The following PSPC1 variants were observed in gnomAD, a reference collection of about 807,000 sequenced individuals.
PSPC1 encodes the protein paraspeckle protein 1.
A neutral mutation model predicts 51.6 loss-of-function variants in PSPC1; 14 were observed. That is an observed-to-expected ratio of 0.27 (90% CI 0.18 to 0.42). The LOEUF is 0.42. Among genes scored for constraint, PSPC1 ranks in the 10% least tolerant of loss-of-function variants. PSPC1 has a pLI of 1.00. For synonymous variants in PSPC1, 193 were observed against 231.9 expected, an observed-to-expected ratio of 0.83 and a Z score of 1.53; for missense variants, 406 against 701.1, an observed-to-expected ratio of 0.58 and a Z score of 4.75.
chr13:19,778,597 CCCTAA>C (rs1889483679), intron 1 of PSPC1, among the ~76,000 whole-genome samples: 2 of 125,500 alleles, frequency 1.6e-5, no homozygotes, highest in South Asian at 3.2e-4. Context: ...GGTCTCCAGC[CCCTAA>C]CCGCGAGTGA....
intron 6 of PSPC1, among the ~76,000 whole-genome samples, chr13:19,725,370 A>G (rs1049360554): frequency 6.6e-6 from 1 of 152,186 alleles, no homozygotes; most frequent in African/African-American, 2.4e-5. Context: ...TTCTAAAAAC[A>G]CTGGAAAAGA....
intron 5 of PSPC1, among the ~76,000 whole-genome samples, chr13:19,738,005 G>C (rs1178133259): frequency 6.6e-6 from 1 of 152,090 alleles, no homozygotes; most frequent in Non-Finnish European, 1.5e-5. Flanking sequence ...AGGCAGGATT[G>C]TTTGAGCTCA....
At chr13:19,742,695 C>T (rs1177844914) in intron 4 of PSPC1, among the ~76,000 whole-genome samples, 2 of 151,800 alleles carry the variant, frequency 1.3e-5, no homozygotes, top group African/African-American at 2.4e-5. Flanking sequence ...GCCAAAATTG[C>T]GCCACTGCAC....
chr13:19,749,463 G>T (rs1331553123), intron 4 of PSPC1, among the ~76,000 whole-genome samples: 1 of 150,360 alleles, frequency 6.7e-6, no homozygotes, highest in Non-Finnish European at 1.5e-5. Flanking sequence ...GGAGGCGGAA[G>T]TTGCAGTGTG....
intron 6 of PSPC1, among the ~76,000 whole-genome samples, chr13:19,710,287 T>C (rs1317912628): frequency 6.6e-6 from 1 of 152,244 alleles, no homozygotes; most frequent in African/African-American, 2.4e-5. Flanking sequence ...ATTCAGAACA[T>C]TTGAAATTTC....
downstream of PSPC1, chr13:19,671,836 T>A (rs1288821351): frequency 1.2e-6 from 2 of 1,614,148 alleles, no homozygotes. Flanking sequence ...TTCAACAGGT[T>A]AAGTTGCTAA....
intron 1 of PSPC1, among the ~76,000 whole-genome samples, chr13:19,775,081 G>T (rs1289896626): frequency 6.6e-6 from 1 of 152,052 alleles, no homozygotes; most frequent in Admixed American, 6.6e-5. Flanking sequence ...GCTCATGCCT[G>T]TAATCCCAGC....
chr13:19,682,724 G>A (rs1418283267), intron 6 of PSPC1, among the ~76,000 whole-genome samples: 1 of 152,052 alleles, frequency 6.6e-6, no homozygotes, highest in African/African-American at 2.4e-5. Flanking sequence ...AACAGGACAG[G>A]CACTTTAGAA....
Position 19,735,569 on chromosome 13 carries a change from A to G in PSPC1, c.1053-5225T>C, listed in dbSNP as rs553639858. 2.0e-5 allele frequency among the ~76,000 whole-genome samples: 3 copies of G among 152,280 alleles called. No individual in the cohort carries two copies. In the East Asian group the frequency reaches 5.8e-4, roughly 29 times the overall value. The stretch of plus-strand genomic sequence containing the variant: ...AAAACCAGAAACTTGTGTACTCCAA[A>G]TACATTTCTCCCAAAATGTACTGTC... On this transcript the variant is annotated intron_variant, in intron 5 of 8. Transcript: ENST00000338910.
intron 1 of PSPC1, among the ~76,000 whole-genome samples, chr13:19,774,805 C>CAAAAAAAAAAAAAAAAAAAAAAAAAAA (rs748014285): frequency 1.8e-5 from 1 of 56,180 alleles, no homozygotes; most frequent in Non-Finnish European, 3.7e-5. Context: ...ACTCTGTGTC[C>CAAAAAAAAAAAAAAAAAAAAAAAAAAA]AAAAAAAAAA....
At chr13:19,777,477 C>T (rs973042320) in intron 1 of PSPC1, among the ~76,000 whole-genome samples, 1 of 149,582 alleles carries the variant, frequency 6.7e-6, no homozygotes, top group African/African-American at 2.5e-5. Context: ...AAAATTTTCA[C>T]CAAATGGCGA....
rs746247369 is a variant in PSPC1 at position 19,759,276 on chromosome 13, A to ATTATAG, written c.770+46_770+47insCTATAA. On this transcript the variant is annotated intron_variant, in intron 3 of 8. Transcript: ENST00000338910. ...CAATATTTGAAAACAAATGTAATGA[A>ATTATAG]CACCCTTAATAGTACAGACACAAAT... The ATTATAG allele has an allele frequency of 6.4e-6, 9 of 1,411,260 alleles. No homozygotes were observed. In the Admixed American group the frequency reaches 1.5e-4, roughly 24 times the overall value. The allele number at this position is 1,411,260 out of a possible 1,614,324, so 87.4% of individuals were successfully genotyped here.
chr13:19,774,887 T>C lies in PSPC1; in HGVS notation c.373-2344A>G, dbSNP rs925332111. 2.8e-5 allele frequency among the ~76,000 whole-genome samples: 4 copies of C among 144,326 alleles called. No homozygotes were observed. In the South Asian group the frequency reaches 8.8e-4, roughly 32 times the overall value. 94.7% of individuals were successfully genotyped at this position (144,326 alleles called of 152,430 possible). On this transcript the variant is annotated intron_variant, in intron 1 of 8. Coordinates refer to ENST00000338910, the MANE Select transcript of PSPC1 (RefSeq NM_001354909.2). ...CATTTGGGAAAGAAACAATTTAAAA[T>C]TGACAGGCAGGGTAAGGGGGCTCAC...
intron 7 of PSPC1, among the ~76,000 whole-genome samples, chr13:19,707,317 A>G (rs923324669): frequency 1.3e-5 from 2 of 152,196 alleles, no homozygotes; most frequent in Admixed American, 1.3e-4. Context: ...TAGTATTCAC[A>G]TCTTCCACCA....
intron 5 of PSPC1, among the ~76,000 whole-genome samples, chr13:19,736,683 G>A (rs1038745540): frequency 2.1e-4 from 32 of 151,742 alleles, no homozygotes; most frequent in South Asian, 8.3e-4. Context: ...ACTCCGTCTC[G>A]AAAAAATAAA....
chr13:19,676,155 A>T (rs1240757546), intron 7 of PSPC1, among the ~76,000 whole-genome samples: 1 of 151,962 alleles, frequency 6.6e-6, no homozygotes, highest in African/African-American at 2.4e-5. Context: ...TATGTACACA[A>T]TTTTTTTTCC....
At chr13:19,711,104 G>C (rs1299562545) in intron 6 of PSPC1, among the ~76,000 whole-genome samples, 1 of 152,140 alleles carries the variant, frequency 6.6e-6, no homozygotes, top group Admixed American at 6.5e-5. Flanking sequence ...CGCTCGCAAT[G>C]TGCTGGGATT....
chr13:19,754,443 T>C (rs1488205407), intron 3 of PSPC1, among the ~76,000 whole-genome samples: 1 of 138,664 alleles, frequency 7.2e-6, no homozygotes, highest in Non-Finnish European at 1.5e-5. Flanking sequence ...AGTGGGAATA[T>C]AACTAACTCC....
chr13:19,733,438 G>C (rs1397463921), intron 5 of PSPC1, among the ~76,000 whole-genome samples: 1 of 152,056 alleles, frequency 6.6e-6, no homozygotes, highest in African/African-American at 2.4e-5. Context: ...GATCACTTGA[G>C]TGACAGCCTC....
Sources: gnomAD v4.1 joint callset for allele counts (sites outside exome capture counted in the v4.1 genomes callset) on GRCh38, gnomAD v4.1.1 for gene constraint, MANE v1.5 for transcripts, NCBI Gene and HGNC (gene_info 2026-07-23, HGNC 2026-07-21) for gene names.